SYNE2: variants seen among roughly 807,000 people sequenced by gnomAD.
SYNE2 encodes nesprin-2.
In SYNE2, 431 loss-of-function variants were observed where a neutral mutation model predicts 856.3. The ratio of observed to expected loss-of-function variants is 0.50; its 90% CI spans 0.47 to 0.55. SYNE2 has a LOEUF of 0.55. SYNE2 is among the 20% of genes least tolerant of loss of function. The pLI is 0.00. For missense variants in SYNE2, 8,129 were observed against 8,023.2 expected (o/e 1.01, Z -0.50); for synonymous variants, 2,923 against 2,872.3 (o/e 1.02, Z -0.56).
In SYNE2 at chr14:64,010,123, C is replaced by A; in HGVS notation, c.4728+7C>A. On this transcript the variant is annotated splice_region_variant and intron_variant, in intron 32 of 115. Transcript: ENST00000555002. ...GAAGAAAAGGATAGCAGAGGTGAGT[C>A]CAGGTTCCATTAGAAAAAACTGCCC... The A allele has an allele frequency of 1.2e-6, 2 of 1,608,692 alleles. No homozygotes were observed. Among genetic ancestry groups the A allele is most frequent in the Non-Finnish European group, 1.7e-6 (2 of 1,177,148 alleles).
chr14:63,892,671 TA>T (rs370427636), intron 1 of SYNE2, among the ~76,000 whole-genome samples: 9 of 152,142 alleles, frequency 5.9e-5, no homozygotes, highest in African/African-American at 2.2e-4. Context: ...AAATTATTTT[TA>T]GTATTATTTC....
chr14:64,208,007 C>A (rs530549477), intron 100 of SYNE2: 9 of 456,014 alleles, frequency 2.0e-5, no homozygotes, highest in South Asian at 1.4e-4. Flanking sequence ...ACTAAAAATG[C>A]CATGTTTATT....
chr14:63,810,088 G>A (rs1888557083), intron 1 of SYNE2, among the ~76,000 whole-genome samples: 1 of 152,130 alleles, frequency 6.6e-6, no homozygotes, highest in Admixed American at 6.6e-5. Context: ...AGCCAGGTGG[G>A]ATGGTACATG....
chr14:63,862,548 C>T (rs767860638), intron 1 of SYNE2, among the ~76,000 whole-genome samples: 1 of 151,992 alleles, frequency 6.6e-6, no homozygotes, highest in East Asian at 1.9e-4. Flanking sequence ...AATAAGTATA[C>T]TTGTCACTAC....
At chr14:63,884,463 T>TA (rs955272352) in intron 1 of SYNE2, among the ~76,000 whole-genome samples, 1 of 152,132 alleles carries the variant, frequency 6.6e-6, no homozygotes, top group African/African-American at 2.4e-5. Flanking sequence ...AGCGGTACTG[T>TA]AAGGAGCTTA....
rs1205843034 is a variant in SYNE2, at chr14:64,027,513, A to G, written c.6434A>G (p.Glu2145Gly). The G allele has an allele frequency of 1.2e-6, 2 of 1,601,014 alleles. No individual in the cohort carries two copies. Among genetic ancestry groups the G allele is most frequent in the Non-Finnish European group, 8.5e-7 (1 of 1,175,064 alleles). The change falls in exon 43 of 116, where the codon GAG becomes GGG. Residue 2145 changes from glutamate to glycine, a missense_variant. Transcript: ENST00000555002. ...CAAGAAAAGCTTCTACTAGAAGGAG[A>G]GAAATATTTACAAAGTAAGGAGGAT... ...SHQEKLLLEGEKYLQSKEDLR... is the reference protein window; with the variant it reads ...SHQEKLLLEGGKYLQSKEDLR...
chr14:63,877,580 A>C (rs1265896252), intron 1 of SYNE2, among the ~76,000 whole-genome samples: 1 of 151,250 alleles, frequency 6.6e-6, no homozygotes, highest in African/African-American at 2.4e-5. Context: ...AAATAGAATT[A>C]TGGAATGCTT....
In SYNE2 at chr14:64,073,968, G is replaced by T. The variant is rs2097435379; in HGVS notation, c.10698G>T (p.Lys3566Asn). 2.5e-6 allele frequency: 4 copies of T among 1,613,874 alleles called. No homozygotes were observed. Among genetic ancestry groups the T allele is most frequent in the Non-Finnish European group, 3.4e-6 (4 of 1,179,910 alleles). Residue 3566 changes from lysine to asparagine, a missense_variant and splice_region_variant, in exon 53 of 116, where the codon AAG becomes AAT. Transcript: ENST00000555002. Reference sequence around the variant, plus strand: ...ATTATATTTTGACGTTCTCTTTTAGGCTTCTTCAGAAAGTTCAGAAAAATA... The same window carrying T: ...ATTATATTTTGACGTTCTCTTTTAGTCTTCTTCAGAAAGTTCAGAAAAATA... ...EITSMKERCN[K>N]LLQKVQKNKE...
chr14:63,824,363 G>A (rs1002788885), intron 1 of SYNE2, among the ~76,000 whole-genome samples: 2 of 152,118 alleles, frequency 1.3e-5, no homozygotes, highest in African/African-American at 4.8e-5. Context: ...ACTAGGCCGA[G>A]TGCGGTGGCT....
At position 63,960,807 on chromosome 14, in the gene SYNE2, G is replaced by A. The variant is rs754858232; in HGVS notation, c.788-718G>A. The stretch of plus-strand genomic sequence containing the variant: ...AGTGTCTTGTGCCAGCTACTTGTGA[G>A]GCTGAGATTGGAGGACTGTTTGAGG... On this transcript the variant is annotated intron_variant, in intron 8 of 115. Coordinates refer to ENST00000555002, the MANE Select transcript of SYNE2 (RefSeq NM_182914.3). The A allele has an allele frequency of 7.9e-6, 6 of 761,380 alleles. No individual in the cohort carries two copies. The Admixed American group carries it at 1.0e-4, about 13-fold the overall frequency. The allele number at this position is 761,380 out of a possible 1,614,324, so 47.2% of individuals were successfully genotyped here.
intron 63 of SYNE2, among the ~76,000 whole-genome samples, chr14:64,100,527 AAAAAATATATATATATATAT>A (rs1427699227): frequency 1.5e-5 from 1 of 66,252 alleles, no homozygotes; most frequent in Non-Finnish European, 2.6e-5. Flanking sequence ...AAAAAAAAAA[AAAAAATATATATATATATAT>A]ATATATATAT....
At chr14:64,074,456 T>G (rs1238181832) in intron 53 of SYNE2, among the ~76,000 whole-genome samples, 2 of 152,214 alleles carry the variant, frequency 1.3e-5, no homozygotes, top group African/African-American at 2.4e-5. Context: ...GTTACATTAC[T>G]CCTTTAGTAG....
chr14:64,005,014 G>A (rs1210563713), intron 30 of SYNE2, among the ~76,000 whole-genome samples: 1 of 152,204 alleles, frequency 6.6e-6, no homozygotes, highest in Admixed American at 6.5e-5. Flanking sequence ...ACTTGAACCT[G>A]GAGAAATAGC....
chr14:64,117,256 TAGAG>T (rs779308527), intron 66 of SYNE2, among the ~76,000 whole-genome samples: 1 of 152,194 alleles, frequency 6.6e-6, no homozygotes, highest in Non-Finnish European at 1.5e-5. Context: ...TGAGATATCT[TAGAG>T]AGAGGACCCA....
intron 1 of SYNE2, among the ~76,000 whole-genome samples, chr14:63,861,577 G>C (rs1231108235): frequency 6.6e-6 from 1 of 151,726 alleles, no homozygotes; most frequent in Non-Finnish European, 1.5e-5. Flanking sequence ...GATCACATGA[G>C]CCCAGGAGTT....
chr14:64,083,720 T>C (rs946517547), intron 57 of SYNE2, among the ~76,000 whole-genome samples: 1 of 152,210 alleles, frequency 6.6e-6, no homozygotes, highest in African/African-American at 2.4e-5. Flanking sequence ...CATATTCAGG[T>C]ATTAGTTTTT....
At chr14:63,985,455 T>G (rs532072686) in intron 18 of SYNE2, among the ~76,000 whole-genome samples, 31 of 152,192 alleles carry the variant, frequency 2.0e-4, no homozygotes, top group Admixed American at 1.7e-3. Flanking sequence ...AACCTATAGA[T>G]TATTAATGGG....
At chr14:64,100,509 T>C (rs1328764216) in intron 63 of SYNE2, 2 of 42,080 alleles carry the variant, frequency 4.8e-5, no homozygotes, top group African/African-American at 2.8e-4. Context: ...AGAGCAAAAC[T>C]GTCTCAAAAA....
chr14:64,088,208 A>C (rs2097578878), intron 58 of SYNE2, among the ~76,000 whole-genome samples: 1 of 152,206 alleles, frequency 6.6e-6, no homozygotes, highest in African/African-American at 2.4e-5. Context: ...ACTACTAACC[A>C]AGCACTATAC....
Sources: allele counts gnomAD v4.1 joint callset (sites outside exome capture counted in the v4.1 genomes callset), GRCh38; gene constraint gnomAD v4.1.1; transcripts MANE v1.5; gene names NCBI Gene and HGNC (gene_info 2026-07-23, HGNC 2026-07-21).